The following DSCAM variants were observed in gnomAD, a reference collection of about 807,000 sequenced individuals.
The protein encoded by DSCAM is cell adhesion molecule DSCAM.
In DSCAM, 47 loss-of-function variants were observed where a neutral mutation model predicts 217.7. The observed-to-expected ratio is 0.22, with a 90% CI of 0.17 to 0.28. DSCAM has a LOEUF of 0.28. Among genes scored for constraint, DSCAM ranks in the 10% least tolerant of loss-of-function variants. The pLI is 1.00. For missense variants in DSCAM, 2,080 were observed against 2,618.3 expected (o/e 0.79, Z 4.49); for synonymous variants, 1,056 against 1,015.3 (o/e 1.04, Z -0.76).
intron 11 of DSCAM, among the ~76,000 whole-genome samples, chr21:40,243,978 C>A (rs2073188040): frequency 6.6e-6 from 1 of 152,118 alleles, no homozygotes; most frequent in Admixed American, 6.5e-5. Context: ...CAGCTAAAGA[C>A]AAGTGGAAAA....
intron 1 of DSCAM, 119 bp downstream of exon 1, chr21:40,846,500 C>T: frequency 2.7e-6 from 1 of 363,802 alleles, no homozygotes; most frequent in Non-Finnish European, 4.5e-6. Context: ...AAATTTTAAA[C>T]ACAGATGAAG....
chr21:40,723,409 C>G (rs751750012), intron 1 of DSCAM, among the ~76,000 whole-genome samples: 4 of 152,154 alleles, frequency 2.6e-5, no homozygotes, highest in Admixed American at 6.5e-5. Context: ...TATTCCCGGT[C>G]TTCTACCTTT....
intron 3 of DSCAM, among the ~76,000 whole-genome samples, chr21:40,620,788 C>G (rs920024411): frequency 1.3e-5 from 2 of 152,328 alleles, no homozygotes; most frequent in African/African-American, 4.8e-5. Flanking sequence ...TATAAAAAAT[C>G]TGTAAATGAA....
chr21:40,471,241 T>C (rs2075885766), intron 3 of DSCAM, among the ~76,000 whole-genome samples: 1 of 152,138 alleles, frequency 6.6e-6, no homozygotes, highest in African/African-American at 2.4e-5. Context: ...AGTCATCTGT[T>C]TGTGTGTCAG....
At chr21:40,656,106 A>C (rs2146369337) in intron 3 of DSCAM, among the ~76,000 whole-genome samples, 1 of 152,234 alleles carries the variant, frequency 6.6e-6, no homozygotes, top group Middle Eastern at 3.4e-3. Flanking sequence ...AGTGCTCATG[A>C]TGTAATCATT....
Position 40,181,004 on chromosome 21 carries a change from C to T in DSCAM, c.2780-1910G>A, listed in dbSNP as rs372556344. Among the ~76,000 whole-genome samples, 5 of 152,210 alleles carry T rather than the reference C, an allele frequency of 3.3e-5. No individual in the cohort carries two copies. The East Asian group carries it at 5.8e-4, about 18-fold the overall frequency. Reference sequence around the variant, plus strand: ...GACTTATAAATCCTCTCTGATGCTGCGTTTGCACCCTGTCTGTAGCAACTA... The same window carrying T: ...GACTTATAAATCCTCTCTGATGCTGTGTTTGCACCCTGTCTGTAGCAACTA... On this transcript the variant is annotated intron_variant, in intron 14 of 32. Transcript: ENST00000400454.
intron 3 of DSCAM, among the ~76,000 whole-genome samples, chr21:40,625,221 A>G (rs2146307118): frequency 6.6e-6 from 1 of 152,348 alleles, no homozygotes; most frequent in African/African-American, 2.4e-5. Flanking sequence ...TTAATATAAG[A>G]GTAAGAAACC....
intron 16 of DSCAM, among the ~76,000 whole-genome samples, chr21:40,149,645 C>G (rs1375861995): frequency 1.3e-5 from 2 of 148,886 alleles, no homozygotes; most frequent in East Asian, 4.0e-4. Context: ...GTCACTATCA[C>G]CACCACCATC....
At chr21:40,624,157 C>T (rs911122223) in intron 3 of DSCAM, among the ~76,000 whole-genome samples, 1 of 152,028 alleles carries the variant, frequency 6.6e-6, no homozygotes, top group Non-Finnish European at 1.5e-5. Context: ...ATTTTTGTGC[C>T]GATTCTCATT....
At chr21:40,559,893 C>T (rs1021270613) in intron 3 of DSCAM, among the ~76,000 whole-genome samples, 23 of 151,060 alleles carry the variant, frequency 1.5e-4, no homozygotes, top group Non-Finnish European at 2.7e-4. Context: ...CCCGAGTTCA[C>T]GCCATTCTCC....
Position 40,501,559 on chromosome 21 carries a change from G to A in DSCAM, c.509-132314C>T, listed in dbSNP as rs190248528. ...CCATGAGCTGCCTCTTTTCTCATGAGAATAAATTTTTAAAGGCATTAAGCT... is the reference window on the plus strand; with the variant it reads ...CCATGAGCTGCCTCTTTTCTCATGAAAATAAATTTTTAAAGGCATTAAGCT... On this transcript the variant is annotated intron_variant, in intron 3 of 32. Coordinates refer to ENST00000400454, the MANE Select transcript of DSCAM (RefSeq NM_001389.5). 5.5e-4 allele frequency among the ~76,000 whole-genome samples: 84 copies of A among 152,240 alleles called. 2 individuals carry two copies. The highest frequency in any genetic ancestry group is 6.8e-3 in the Middle Eastern group (2 of 294).
intron 21 of DSCAM, among the ~76,000 whole-genome samples, chr21:40,091,505 G>C (rs2089608762): frequency 6.6e-6 from 1 of 151,942 alleles, no homozygotes; most frequent in Admixed American, 6.6e-5. Context: ...CAGGGACCAA[G>C]TGTGTCCTCC....
At chr21:40,111,736 A>G (rs958821561) in intron 20 of DSCAM, among the ~76,000 whole-genome samples, 3 of 152,160 alleles carry the variant, frequency 2.0e-5, no homozygotes, top group Non-Finnish European at 4.4e-5. Context: ...CCAAGCAAAT[A>G]GAAAACAAAA....
In DSCAM at chr21:40,042,553, G is replaced by A. The variant is rs757148200; in HGVS notation, c.5504C>T (p.Thr1835Met). Residue 1835 changes from threonine to methionine, a missense_variant, in exon 32 of 33, where the codon ACG becomes ATG. By Grantham distance (81) the Thr-to-Met change is moderately conservative. This residue lies in a region of DSCAM where 1,144 missense variants were observed against 1,421.1 expected (regional missense o/e 0.81). Transcript: ENST00000400454. ...TGACGTGTCTGATATGAAGCACTCC[G>A]TGATGGTGAACTTGGCGTGCCTCAG... ...EQLRHAKFTITECFISDTSSE... is the reference protein window; with the variant it reads ...EQLRHAKFTIMECFISDTSSE... 13 of 1,614,086 alleles carry A rather than the reference G, an allele frequency of 8.1e-6. No homozygotes were observed. Among genetic ancestry groups the A allele is most frequent in the East Asian group, 4.5e-5 (2 of 44,880 alleles).
intron 21 of DSCAM, 65 bp from the exon 22 acceptor site, chr21:40,087,352 G>T: frequency 8.0e-7 from 1 of 1,249,128 alleles, no homozygotes; most frequent in Non-Finnish European, 1.2e-6. Context: ...AGGCCAACAT[G>T]ACCTACTCAA....
At chr21:40,155,034 T>C (rs1179743672) in intron 16 of DSCAM, among the ~76,000 whole-genome samples, 6 of 152,218 alleles carry the variant, frequency 3.9e-5, no homozygotes, top group Non-Finnish European at 8.8e-5. Flanking sequence ...TTTATTCCAT[T>C]TCTAAAGTGT....
chr21:40,381,269 G>A (rs1203133020), intron 3 of DSCAM, among the ~76,000 whole-genome samples: 1 of 152,026 alleles, frequency 6.6e-6, no homozygotes, highest in Non-Finnish European at 1.5e-5. Context: ...GGACTTTGGG[G>A]AATTGAAAGT....
intron 19 of DSCAM, among the ~76,000 whole-genome samples, chr21:40,124,659 G>A (rs1231751212): frequency 3.3e-5 from 5 of 152,140 alleles, no homozygotes; most frequent in African/African-American, 7.2e-5. Flanking sequence ...ATGATGTGAA[G>A]ACACAGGGAG....
At chr21:40,464,797 G>A (rs62225471) in intron 3 of DSCAM, among the ~76,000 whole-genome samples, 17,960 of 150,682 alleles carry the variant, frequency 0.12, 1,120 homozygotes, top group Middle Eastern at 0.2. Flanking sequence ...CTGGAGCACG[G>A]TGGTGCAATC....
Sources: gnomAD v4.1 joint callset for allele counts (sites outside exome capture counted in the v4.1 genomes callset) on GRCh38, gnomAD v4.1.1 for gene constraint, gnomAD v4.1.1 regional missense constraint, MANE v1.5 for transcripts, NCBI Gene and HGNC (gene_info 2026-07-23, HGNC 2026-07-21) for gene names.